NEK4: variants seen among roughly 807,000 people sequenced by gnomAD.
The protein encoded by NEK4 is NIMA related kinase 4.
In NEK4, 86 loss-of-function variants were observed where a neutral mutation model predicts 98.4. That is an observed-to-expected ratio of 0.87 (90% CI 0.73 to 1.05). The LOEUF (loss-of-function observed/expected upper bound fraction) is 1.05. NEK4 is among the 50% of genes least tolerant of loss of function. The pLI is 0.00. For synonymous variants in NEK4, 328 were observed against 342.2 expected (o/e 0.96, Z 0.46); for missense variants, 898 against 950.3 (o/e 0.94, Z 0.72).
At chr3:52,733,640 G>A in intron 15 of NEK4, 1 of 487,040 alleles carries the variant, frequency 2.1e-6, no homozygotes, top group South Asian at 1.5e-5. Context: ...CAAGCATTCA[G>A]GACTTATGGC....
chr3:52,741,682 T>G (rs746703761), intron 12 of NEK4, among the ~76,000 whole-genome samples, 183 bp from the exon 13 acceptor site: 3 of 152,184 alleles, frequency 2.0e-5, no homozygotes, highest in Non-Finnish European at 2.9e-5. Flanking sequence ...AACATTGAAG[T>G]GATTTTACCC....
At chr3:52,741,904 C>T (rs942330831) in intron 12 of NEK4, among the ~76,000 whole-genome samples, 11 of 152,210 alleles carry the variant, frequency 7.2e-5, no homozygotes, top group South Asian at 6.2e-4. Context: ...CTCAGCCTCC[C>T]GAGTAGCTGG....
At position 52,765,949 on chromosome 3, in the gene NEK4, A is replaced by C; in HGVS notation, c.604T>G (p.Leu202Val). The C allele has an allele frequency of 6.2e-7, 1 of 1,613,292 alleles. No homozygotes were observed. Among genetic ancestry groups the C allele is most frequent in the Non-Finnish European group, 8.5e-7 (1 of 1,179,226 alleles). Reference sequence around the variant, plus strand: ...TCTTTTGCATTGAAAGCATGCTTCAAGGTGGCCATTTCATAGACACAGCAT... The same window carrying C: ...TCTTTTGCATTGAAAGCATGCTTCACGGTGGCCATTTCATAGACACAGCAT... ...LGCCVYEMATLKHAFNAKDMN... is the reference protein window; with the variant it reads ...LGCCVYEMATVKHAFNAKDMN... Residue 202 changes from leucine to valine, a missense_variant, in exon 4 of 16, where the codon TTG (leucine) becomes GTG (valine). Physicochemically the swap from Leu to Val is conservative, Grantham distance 32. Transcript: ENST00000233027.
At chr3:52,728,395 G>A (rs1175185676) in intron 15 of NEK4, among the ~76,000 whole-genome samples, 1 of 152,206 alleles carries the variant, frequency 6.6e-6, no homozygotes, top group Non-Finnish European at 1.5e-5. Flanking sequence ...AGCCATGGCA[G>A]AGGAACATAA....
intron 5 of NEK4, among the ~76,000 whole-genome samples, chr3:52,761,798 C>T (rs1698367221): frequency 6.6e-6 from 1 of 152,116 alleles, no homozygotes; most frequent in South Asian, 2.1e-4. Flanking sequence ...TTTTCATTTT[C>T]AAATTTTACA....
intron 6 of NEK4, chr3:52,754,090 A>C (rs943359994): frequency 4.0e-6 from 1 of 247,932 alleles, no homozygotes; most frequent in African/African-American, 2.3e-5. Context: ...TGAACCCAGG[A>C]GGCAGAGGTT....
At chr3:52,750,021 T>C (rs1485790744) in intron 7 of NEK4, among the ~76,000 whole-genome samples, 192 bp from the exon 8 acceptor site, 2 of 152,176 alleles carry the variant, frequency 1.3e-5, no homozygotes, top group Admixed American at 1.3e-4. Context: ...TATGGTTGTT[T>C]TGGAAAACAA....
Position 52,739,635 on chromosome 3 carries a change from C to T in NEK4, c.2094-1G>A. The T allele has an allele frequency of 6.2e-7, 1 of 1,607,530 alleles. No individual in the cohort carries two copies. Among genetic ancestry groups the T allele is most frequent in the Non-Finnish European group, 8.5e-7 (1 of 1,176,262 alleles). ...ATTAATTTCATTTGTCTGACCTTTCCTGGGGGAAAAAAATATCCCTTTGTT... is the reference window on the plus strand; with the variant it reads ...ATTAATTTCATTTGTCTGACCTTTCTTGGGGGAAAAAAATATCCCTTTGTT... On this transcript the variant is annotated splice_acceptor_variant, in intron 13 of 15. Coordinates refer to ENST00000233027, the MANE Select transcript of NEK4 (RefSeq NM_003157.6). LOFTEE classifies it high-confidence loss of function.
In NEK4 at chr3:52,761,436, G is replaced by A. The variant is rs1364201035; in HGVS notation, c.822-500C>T. On this transcript the variant is annotated intron_variant, in intron 5 of 15. Coordinates refer to ENST00000233027, the MANE Select transcript of NEK4 (RefSeq NM_003157.6). ...TGGGACTACAGGTGCACGCCACCAC[G>A]CCCGGCTAATTTTTTTGTATTTTTT... Among the ~76,000 whole-genome samples, 9 of 151,944 alleles carry A rather than the reference G, an allele frequency of 5.9e-5. 1 individual carries two copies. Among genetic ancestry groups the A allele is most frequent in the Admixed American group, 3.3e-4 (5 of 15,246 alleles).
Position 52,751,922 on chromosome 3 carries a change from T to G in NEK4, c.1368+10A>C. On this transcript the variant is annotated intron_variant, in intron 7 of 15. Coordinates refer to ENST00000233027, the MANE Select transcript of NEK4 (RefSeq NM_003157.6). ...CCAAAACCAGTATCTCATGTGTGCA[T>G]ATCACTCACCTGGTCCTTTGGCTTT... The G allele has an allele frequency of 6.2e-7, 1 of 1,609,606 alleles. No homozygotes were observed. Among genetic ancestry groups the G allele is most frequent in the Non-Finnish European group, 8.5e-7 (1 of 1,177,898 alleles).
Position 52,746,131 on chromosome 3 carries a change from G to C in NEK4, c.1757C>G (p.Ala586Gly). The C allele has an allele frequency of 1.9e-6, 3 of 1,614,118 alleles. No homozygotes were observed. The highest frequency in any genetic ancestry group is 1.7e-6 in the Non-Finnish European group (2 of 1,179,988). ...AGTGACCACTCTACGTTGGTTTTCA[G>C]CCTCTTTTTGTGTTGATGTGACATC... is the stretch of plus-strand genomic sequence containing the variant. The part of the protein sequence containing the change: ...KVDVTSTQKE[A>G]ENQRRVVTGS... The change falls in exon 10 of 16, where the codon GCT (alanine) becomes GGT (glycine). Residue 586 changes from alanine (A) to glycine (G), a missense_variant. Coordinates refer to ENST00000233027, the MANE Select transcript of NEK4 (RefSeq NM_003157.6).
chr3:52,719,582 C>CAA (rs34086430), intron 15 of NEK4, among the ~76,000 whole-genome samples: 1 of 59,360 alleles, frequency 1.7e-5, no homozygotes, highest in African/African-American at 6.6e-5. Flanking sequence ...GACTCTGTCT[C>CAA]AAAAAAAAAG....
rs903999749 is a variant in NEK4 at position 52,752,385 on chromosome 3, T to C, written c.964-49A>G. 1.1e-5 allele frequency: 17 copies of C among 1,533,724 alleles called. No individual in the cohort carries two copies. In the East Asian group the frequency reaches 1.1e-4, roughly 10 times the overall value. ...TTATTATAGCACTCCTCATATCTTA[T>C]ACAAAATCAACTCAAAATGCAACAA... On this transcript the variant is annotated intron_variant, in intron 6 of 15. Transcript: ENST00000233027.
intron 6 of NEK4, among the ~76,000 whole-genome samples, chr3:52,755,668 T>C (rs1034773521): frequency 1.3e-5 from 2 of 151,692 alleles, no homozygotes; most frequent in African/African-American, 4.8e-5. Context: ...CTAGTCAATA[T>C]AGTACTAGAA....
At chr3:52,745,455 T>A (rs2097394388) in intron 10 of NEK4, among the ~76,000 whole-genome samples, 1 of 151,940 alleles carries the variant, frequency 6.6e-6, no homozygotes, top group Admixed American at 6.5e-5. Flanking sequence ...GGCTGGCACC[T>A]GTAGTTCCAG....
At chr3:52,717,579 C>T (rs1444770426) in intron 15 of NEK4, among the ~76,000 whole-genome samples, 1 of 152,020 alleles carries the variant, frequency 6.6e-6, no homozygotes. Context: ...GTGGGGGTAT[C>T]ACTCGGAAGA....
chr3:52,743,312 G>A (rs2097389831), intron 12 of NEK4, 40 bp downstream of exon 12: 1 of 1,515,142 alleles, frequency 6.6e-7, no homozygotes. Context: ...CCTGCCAGAT[G>A]TAGACTGTCC....
chr3:52,723,278 G>T (rs1345194321), intron 15 of NEK4, among the ~76,000 whole-genome samples: 3 of 150,406 alleles, frequency 2.0e-5, no homozygotes, highest in Non-Finnish European at 3.0e-5. Context: ...TTTTTTTTTT[G>T]AGATGGAGTC....
At chr3:52,761,474 C>T (rs1262879352) in intron 5 of NEK4, among the ~76,000 whole-genome samples, 1 of 151,790 alleles carries the variant, frequency 6.6e-6, no homozygotes, top group East Asian at 1.9e-4. Flanking sequence ...TTAGTAGAGA[C>T]GGGGTTTTGC....
Sources: allele counts gnomAD v4.1 joint callset (sites outside exome capture counted in the v4.1 genomes callset), GRCh38; gene constraint gnomAD v4.1.1; transcripts MANE v1.5; gene names NCBI Gene and HGNC (gene_info 2026-07-23, HGNC 2026-07-21).